The following TUT4 variants were observed in gnomAD, a reference collection of about 807,000 sequenced individuals.
The protein encoded by TUT4 is terminal uridylyl transferase 4, also known as terminal uridylyltransferase 4.
TUT4 carries 36 observed loss-of-function variants against 192.2 expected under a neutral mutation model. That is an observed-to-expected ratio of 0.19 (90% CI 0.14 to 0.25). The LOEUF is 0.25. Among genes scored for constraint, TUT4 ranks in the 10% least tolerant of loss-of-function variants. The pLI is 1.00. For missense variants in TUT4, 1,493 were observed against 1,957.2 expected, an observed-to-expected ratio of 0.76 and a Z score of 4.47; for synonymous variants, 618 against 666.0, an observed-to-expected ratio of 0.93 and a Z score of 1.11.
intron 11 of TUT4, among the ~76,000 whole-genome samples, chr1:52,478,872 G>T (rs1352032387): frequency 2.6e-5 from 4 of 152,070 alleles, no homozygotes; most frequent in African/African-American, 9.7e-5. Flanking sequence ...CAGGCACTCG[G>T]GATACATCTT....
chr1:52,482,573 TGCA>T (rs1668759218), intron 9 of TUT4, among the ~76,000 whole-genome samples: 2 of 152,136 alleles, frequency 1.3e-5, no homozygotes, highest in Admixed American at 6.5e-5. Context: ...ACTACAGGCA[TGCA>T]CCACCATGCT....
intron 29 of TUT4, 28 bp from the exon 30 acceptor site, chr1:52,424,030 T>C (rs1295027450): frequency 1.3e-6 from 2 of 1,592,874 alleles, no homozygotes; most frequent in East Asian, 2.3e-5. Context: ...GACAGGAAAC[T>C]GAAAGGCTTG....
intron 1 of TUT4, among the ~76,000 whole-genome samples, chr1:52,537,028 C>T (rs1355586690): frequency 1.4e-5 from 2 of 143,612 alleles, no homozygotes; most frequent in African/African-American, 2.6e-5. Flanking sequence ...GGCATGGTGG[C>T]GTGCGCCCAT....
chr1:52,449,302 T>C (rs1289425647), intron 20 of TUT4, among the ~76,000 whole-genome samples: 3 of 152,232 alleles, frequency 2.0e-5, no homozygotes, highest in Admixed American at 1.3e-4. Context: ...TATATTTACA[T>C]TGCATTTTTC....
At chr1:52,496,820 G>T (rs1201455533) in intron 5 of TUT4, among the ~76,000 whole-genome samples, 186 bp downstream of exon 5, 1 of 151,972 alleles carries the variant, frequency 6.6e-6, no homozygotes, top group African/African-American at 2.4e-5. Context: ...ACAAAAGTGT[G>T]CTGTGCCATA....
chr1:52,428,730 G>A (rs1239663719), intron 28 of TUT4, among the ~76,000 whole-genome samples: 1 of 151,890 alleles, frequency 6.6e-6, no homozygotes, highest in East Asian at 1.9e-4. Context: ...GGCGGAGGTT[G>A]CAGTGAGCCG....
intron 19 of TUT4, 180 bp downstream of exon 19, chr1:52,460,954 A>G: frequency 2.5e-6 from 1 of 399,818 alleles, no homozygotes; most frequent in East Asian, 3.6e-5. Context: ...ACATACAGGA[A>G]AAAAAGACAG....
At chr1:52,486,835 T>C (rs910573427) in intron 9 of TUT4, among the ~76,000 whole-genome samples, 1 of 152,132 alleles carries the variant, frequency 6.6e-6, no homozygotes, top group Non-Finnish European at 1.5e-5. Context: ...TAGGAAACAA[T>C]ATTTATGGGC....
chr1:52,491,723 C>A (rs1194324973), intron 7 of TUT4, among the ~76,000 whole-genome samples: 1 of 151,770 alleles, frequency 6.6e-6, no homozygotes, highest in Non-Finnish European at 1.5e-5. Context: ...CAAAAAAAAA[C>A]CAGATAGATT....
chr1:52,532,418 C>G lies in TUT4; in HGVS notation c.-93-6045G>C, dbSNP rs1683724896. On this transcript the variant is annotated intron_variant, in intron 1 of 29. Transcript: ENST00000257177. Reference sequence around the variant, plus strand: ...TCATGGCTCACTGCAGCCTTGACCCCTGGGCTCAAGCGAGCCTCCCACCTC... The same window carrying G: ...TCATGGCTCACTGCAGCCTTGACCCGTGGGCTCAAGCGAGCCTCCCACCTC... Among the ~76,000 whole-genome samples, 10 of 152,010 alleles carry G rather than the reference C, an allele frequency of 6.6e-5. 1 individual carries two copies. In the South Asian group the frequency reaches 2.1e-3, roughly 32 times the overall value.
intron 9 of TUT4, among the ~76,000 whole-genome samples, chr1:52,484,782 T>C (rs1373047887): frequency 6.6e-6 from 1 of 152,136 alleles, no homozygotes; most frequent in Non-Finnish European, 1.5e-5. Context: ...CAGCCTTCCT[T>C]TTTGCTCCTC....
intron 1 of TUT4, among the ~76,000 whole-genome samples, chr1:52,546,003 G>C (rs1217801961): frequency 6.6e-6 from 1 of 151,354 alleles, no homozygotes; most frequent in African/African-American, 2.4e-5. Flanking sequence ...GCCAGGTGTG[G>C]TCGCAAGCGC....
In TUT4 at chr1:52,461,155, A is replaced by G. The variant is rs1018004241; in HGVS notation, c.3300T>C (p.Tyr1100=). ...AIDPRVQYLG[Y]TMKVFAKRCD... is the part of the protein sequence containing the mutation. The stretch of plus-strand genomic sequence containing the variant: ...ATACCTTAGCAAACACTTTCATAGT[A>G]TATCCCAAATACTGCACTCTAGGAT... The change falls in exon 19 of 30, where the codon TAT becomes TAC. Residue 1100 remains tyrosine (Y), a synonymous_variant. Coordinates refer to ENST00000257177, the MANE Select transcript of TUT4 (RefSeq NM_001009881.3). 4 of 1,591,420 alleles carry G rather than the reference A, an allele frequency of 2.5e-6. No homozygotes were observed. In the African/African-American group the frequency reaches 5.4e-5, roughly 21 times the overall value.
chr1:52,437,059 A>G, intron 25 of TUT4, 81 bp from the exon 26 acceptor site: 2 of 1,524,024 alleles, frequency 1.3e-6, no homozygotes, highest in South Asian at 2.5e-5. Context: ...CACAATAACA[A>G]AAGGACTAAC....
chr1:52,451,222 C>CGCCT (rs34422149), intron 20 of TUT4, among the ~76,000 whole-genome samples: 3 of 141,352 alleles, frequency 2.1e-5, no homozygotes, highest in African/African-American at 9.0e-5. Flanking sequence ...GCCGAGATTG[C>CGCCT]GCCACTGCAC....
At chr1:52,428,078 G>A (rs984607276) in intron 28 of TUT4, among the ~76,000 whole-genome samples, 6 of 151,696 alleles carry the variant, frequency 4.0e-5, no homozygotes, top group Admixed American at 6.6e-5. Context: ...AGTTAATATC[G>A]GAAAAAAAAC....
chr1:52,471,496 T>TA (rs1665773290), intron 14 of TUT4, among the ~76,000 whole-genome samples: 1 of 152,206 alleles, frequency 6.6e-6, no homozygotes, highest in Non-Finnish European at 1.5e-5. Flanking sequence ...GCAATTTACA[T>TA]AAATGCCATA....
At chr1:52,508,616 C>T (rs1219594302) in intron 4 of TUT4, among the ~76,000 whole-genome samples, 2 of 152,070 alleles carry the variant, frequency 1.3e-5, no homozygotes, top group Non-Finnish European at 2.9e-5. Flanking sequence ...AGCCAGAATA[C>T]AATGTGTTAG....
chr1:52,531,479 T>C (rs1029748832), intron 1 of TUT4, among the ~76,000 whole-genome samples: 1 of 152,174 alleles, frequency 6.6e-6, no homozygotes, highest in Admixed American at 6.5e-5. Flanking sequence ...AGTCTCCCCA[T>C]GAGATTCTCA....
Sources: allele counts gnomAD v4.1 joint callset (sites outside exome capture counted in the v4.1 genomes callset), GRCh38; gene constraint gnomAD v4.1.1; transcripts MANE v1.5; gene names NCBI Gene and HGNC (gene_info 2026-07-23, HGNC 2026-07-21).